The following RNF169 variants were observed in gnomAD, a reference collection of about 807,000 sequenced individuals.
RNF169 encodes the protein ring finger protein 169.
Under a neutral mutation model 53.9 loss-of-function variants are expected in RNF169, and 24 were observed. The observed-to-expected ratio is 0.45, with a 90% confidence interval of 0.32 to 0.63. RNF169 has a LOEUF of 0.63. RNF169 is among the 20% of genes least tolerant of loss of function. The pLI is 0.04. For synonymous variants in RNF169, 396 were observed against 363.5 expected, an observed-to-expected ratio of 1.09 and a Z score of -1.02; for missense variants, 883 against 906.2, an observed-to-expected ratio of 0.97 and a Z score of 0.33.
At chr11:74,750,993 G>A (rs1333157344) in intron 1 of RNF169, among the ~76,000 whole-genome samples, 2 of 143,528 alleles carry the variant, frequency 1.4e-5, no homozygotes, top group Non-Finnish European at 1.5e-5. Context: ...TCCTGCCTCC[G>A]CCCAGTAGCT....
intron 1 of RNF169, among the ~76,000 whole-genome samples, chr11:74,758,973 C>T (rs1372852169): frequency 6.6e-4 from 100 of 150,438 alleles, no homozygotes; most frequent in African/African-American, 2.3e-3. Flanking sequence ...TTTGTATCCT[C>T]TTTTATTTCC....
chr11:74,831,525 C>T (rs1364966676), intron 4 of RNF169: 2 of 152,106 alleles, frequency 1.3e-5, no homozygotes, highest in African/African-American at 4.8e-5. Flanking sequence ...TTCCTGTGCT[C>T]ATGGATTAGA....
At position 74,836,115 on chromosome 11, in the gene RNF169, C is replaced by A. The variant is rs1256271775; in HGVS notation, c.1512C>A (p.Phe504Leu). 3.1e-6 allele frequency: 5 copies of A among 1,614,102 alleles called. No homozygotes were observed. The highest frequency in any genetic ancestry group is 2.2e-5 in the East Asian group (1 of 44,876). The change falls in exon 6 of 6, where the codon TTC (phenylalanine) becomes TTA (leucine). Residue 504 changes from phenylalanine to leucine, a missense_variant. By Grantham distance (22) the Phe-to-Leu change is conservative. Coordinates refer to ENST00000299563, the MANE Select transcript of RNF169 (RefSeq NM_001098638.2). ...TGPTSADLDH[F>L]PSVSQTKAEQ... Reference sequence around the variant, plus strand: ...CCACCTCTGCTGATCTTGATCATTTCCCCTCTGTTAGCCAAACAAAAGCAG... The same window carrying A: ...CCACCTCTGCTGATCTTGATCATTTACCCTCTGTTAGCCAAACAAAAGCAG...
intron 4 of RNF169, 141 bp downstream of exon 4, chr11:74,817,855 A>G: frequency 1.5e-6 from 1 of 661,522 alleles, no homozygotes; most frequent in South Asian, 1.8e-5. Context: ...ATTGGTTTTC[A>G]AATATGGACT....
intron 1 of RNF169, among the ~76,000 whole-genome samples, chr11:74,776,638 T>C (rs1416821156): frequency 2.6e-5 from 4 of 151,880 alleles, no homozygotes; most frequent in Non-Finnish European, 4.4e-5. Context: ...AAGTAGTAAA[T>C]GTTACTGCAA....
rs1210888323 is a variant in RNF169, at chr11:74,781,414, A to G, written c.503-8212A>G. On this transcript the variant is annotated intron_variant, in intron 1 of 5. Transcript: ENST00000299563. Reference sequence around the variant, plus strand: ...AGATAAACCCAGAGACCAGAAGAGGAATAAAACCAGACAGTACAGAAATAG... The same window carrying G: ...AGATAAACCCAGAGACCAGAAGAGGGATAAAACCAGACAGTACAGAAATAG... Among the ~76,000 whole-genome samples the G allele has an allele frequency of 2.0e-5, 3 of 152,348 alleles. No homozygotes were observed. In the East Asian group the frequency reaches 5.8e-4, roughly 29 times the overall value.
At chr11:74,802,069 G>A (rs1591414880) in intron 2 of RNF169, among the ~76,000 whole-genome samples, 2 of 152,180 alleles carry the variant, frequency 1.3e-5, no homozygotes, top group East Asian at 3.8e-4. Flanking sequence ...TGGTTCTACA[G>A]CGCTCCCAAA....
chr11:74,819,984 G>A (rs2035988249), intron 4 of RNF169, among the ~76,000 whole-genome samples: 1 of 152,158 alleles, frequency 6.6e-6, no homozygotes, highest in Admixed American at 6.5e-5. Context: ...GTTCTATACA[G>A]TGTATGTATA....
intron 1 of RNF169, among the ~76,000 whole-genome samples, chr11:74,753,523 T>C (rs1003915328): frequency 6.6e-6 from 1 of 152,230 alleles, no homozygotes; most frequent in Non-Finnish European, 1.5e-5. Context: ...AAAGTAATTA[T>C]GGTTTTTGCC....
chr11:74,779,581 G>T (rs2035386757), intron 1 of RNF169, among the ~76,000 whole-genome samples: 2 of 152,060 alleles, frequency 1.3e-5, no homozygotes, highest in South Asian at 2.1e-4. Flanking sequence ...AAAAATAGTA[G>T]ATAAAATGGG....
At chr11:74,771,491 G>A (rs2035259440) in intron 1 of RNF169, among the ~76,000 whole-genome samples, 1 of 151,972 alleles carries the variant, frequency 6.6e-6, no homozygotes, top group South Asian at 2.1e-4. Context: ...ATCACTTGAG[G>A]CCAGGAGTTC....
At chr11:74,811,424 A>G (rs1364227459) in intron 3 of RNF169, among the ~76,000 whole-genome samples, 6 of 152,052 alleles carry the variant, frequency 3.9e-5, no homozygotes, top group African/African-American at 1.4e-4. Context: ...TTGTAGAGAT[A>G]GGGTTTTACC....
chr11:74,829,639 A>AC (rs1243597315), intron 4 of RNF169, among the ~76,000 whole-genome samples: 1 of 152,160 alleles, frequency 6.6e-6, no homozygotes, highest in East Asian at 1.9e-4. Context: ...TGGTACGTAT[A>AC]CCCCCATGGA....
chr11:74,804,839 T>A (rs2035782831), intron 2 of RNF169, among the ~76,000 whole-genome samples: 1 of 152,146 alleles, frequency 6.6e-6, no homozygotes, highest in Non-Finnish European at 1.5e-5. Context: ...ATCCAGAATA[T>A]ATAAAGAACT....
At chr11:74,815,593 C>T (rs367731580) in intron 3 of RNF169, among the ~76,000 whole-genome samples, 15 of 152,192 alleles carry the variant, frequency 9.9e-5, no homozygotes, top group East Asian at 3.9e-4. Context: ...TGTTATAAAA[C>T]GGAAATTTTT....
chr11:74,772,814 T>C (rs761442239), intron 1 of RNF169, among the ~76,000 whole-genome samples: 17 of 152,210 alleles, frequency 1.1e-4, no homozygotes, highest in Non-Finnish European at 1.5e-5. Context: ...ACTAGCATAA[T>C]GAACCATTTG....
intron 1 of RNF169, among the ~76,000 whole-genome samples, chr11:74,783,961 T>C (rs1000006257): frequency 7.9e-5 from 12 of 152,222 alleles, no homozygotes; most frequent in African/African-American, 2.7e-4. Context: ...CATTCATCTT[T>C]AAGAGATGTT....
At chr11:74,833,710 C>T (rs957335122) in intron 4 of RNF169, among the ~76,000 whole-genome samples, 5 of 152,108 alleles carry the variant, frequency 3.3e-5, no homozygotes, top group African/African-American at 1.2e-4. Context: ...ATGATACATG[C>T]TTGGTGAACA....
intron 1 of RNF169, among the ~76,000 whole-genome samples, chr11:74,785,228 ATATT>A (rs1265454628): frequency 2.9e-5 from 3 of 102,226 alleles, no homozygotes; most frequent in Non-Finnish European, 5.2e-5. Flanking sequence ...TATGTTATAT[ATATT>A]ATATATATGT....
Sources: allele counts gnomAD v4.1 joint callset (sites outside exome capture counted in the v4.1 genomes callset), GRCh38; gene constraint gnomAD v4.1.1; transcripts MANE v1.5; gene names NCBI Gene and HGNC (gene_info 2026-07-23, HGNC 2026-07-21).